The following FGGY variants were observed in gnomAD, a reference collection of about 807,000 sequenced individuals.
The protein encoded by FGGY is FGGY carbohydrate kinase domain-containing protein.
FGGY carries 72 observed loss-of-function variants against 71.3 expected under a neutral mutation model. The ratio of observed to expected loss-of-function variants is 1.01; its 90% CI spans 0.84 to 1.23. FGGY has a LOEUF of 1.23. Ranked by LOEUF, FGGY falls within the 50% of genes most tolerant of loss-of-function variation. The pLI, the probability that FGGY is intolerant of heterozygous loss-of-function variation, is 0.00. For synonymous variants in FGGY, 251 were observed against 250.3 expected (o/e 1.00, Z -0.02); for missense variants, 668 against 682.3 (o/e 0.98, Z 0.23).
At chr1:59,688,409 A>G (rs964223781) in intron 14 of FGGY, among the ~76,000 whole-genome samples, 5 of 152,206 alleles carry the variant, frequency 3.3e-5, no homozygotes, top group African/African-American at 1.2e-4. Flanking sequence ...CTGTTCCTCA[A>G]AGTTTTCTAA....
intron 2 of FGGY, among the ~76,000 whole-genome samples, chr1:59,334,258 T>C (rs2049039587): frequency 6.6e-6 from 1 of 152,194 alleles, no homozygotes; most frequent in Admixed American, 6.5e-5. Context: ...TTCTCCTGCC[T>C]CAGCCTCCCT....
intron 13 of FGGY, among the ~76,000 whole-genome samples, chr1:59,668,991 CAAAAAAA>C (rs33999903): frequency 0.034 from 1,259 of 37,120 alleles, 28 homozygotes; most frequent in African/African-American, 0.11. Flanking sequence ...AACTCCATCT[CAAAAAAA>C]AAAAAAAAAA....
intron 4 of FGGY, among the ~76,000 whole-genome samples, chr1:59,347,275 T>C (rs1200894918): frequency 1.7e-5 from 2 of 120,890 alleles, no homozygotes; most frequent in African/African-American, 6.4e-5. Flanking sequence ...GGCCCCGGTG[T>C]GTGATGTTCC....
intron 9 of FGGY, among the ~76,000 whole-genome samples, chr1:59,616,043 G>A (rs971786664): frequency 1.3e-5 from 2 of 152,174 alleles, no homozygotes; most frequent in South Asian, 4.1e-4. Flanking sequence ...TGGTGGGACT[G>A]TAAACTAGTT....
At chr1:59,507,702 T>TC (rs1288647065) in intron 6 of FGGY, among the ~76,000 whole-genome samples, 15 of 146,444 alleles carry the variant, frequency 1.0e-4, no homozygotes, top group African/African-American at 3.9e-4. Flanking sequence ...TTTTTTTTTT[T>TC]TTTTTGTATT....
At chr1:59,551,160 CA>C (rs1289430692) in intron 7 of FGGY, among the ~76,000 whole-genome samples, 2 of 152,066 alleles carry the variant, frequency 1.3e-5, no homozygotes, top group Non-Finnish European at 2.9e-5. Flanking sequence ...TACCATTAAA[CA>C]TCTCTTTTTA....
intron 4 of FGGY, among the ~76,000 whole-genome samples, chr1:59,367,968 G>A (rs941210473): frequency 1.3e-5 from 2 of 152,116 alleles, no homozygotes; most frequent in African/African-American, 4.8e-5. Context: ...TTAACTCAAA[G>A]GATTGTTGTT....
intron 5 of FGGY, among the ~76,000 whole-genome samples, chr1:59,416,978 TA>T (rs1243867558): frequency 2.6e-5 from 4 of 152,340 alleles, no homozygotes; most frequent in Admixed American, 2.6e-4. Context: ...ATAATTCATA[TA>T]CCCTAAAATT....
intron 11 of FGGY, among the ~76,000 whole-genome samples, chr1:59,638,840 A>G (rs757518356): frequency 1.3e-5 from 2 of 152,220 alleles, no homozygotes; most frequent in Non-Finnish European, 2.9e-5. Context: ...AAACTTTGGT[A>G]TAAGTAAATG....
intron 2 of FGGY, among the ~76,000 whole-genome samples, chr1:59,328,772 T>C: frequency 6.6e-6 from 1 of 151,748 alleles, no homozygotes; most frequent in Non-Finnish European, 1.5e-5. Context: ...GGTTATTAAT[T>C]GGCCTAATTT....
chr1:59,603,582 T>A (rs939450948), intron 8 of FGGY, among the ~76,000 whole-genome samples: 2 of 152,118 alleles, frequency 1.3e-5, no homozygotes, highest in Admixed American at 6.6e-5. Flanking sequence ...CATTTTGGAG[T>A]TGAGGAAACT....
At chr1:59,325,314 G>A (rs903061318) in intron 2 of FGGY, among the ~76,000 whole-genome samples, 10 of 152,046 alleles carry the variant, frequency 6.6e-5, no homozygotes, top group Non-Finnish European at 1.3e-4. Flanking sequence ...CCGAGATTGC[G>A]CCATTGCACT....
intron 14 of FGGY, among the ~76,000 whole-genome samples, chr1:59,686,816 C>T (rs1261017876): frequency 6.6e-6 from 1 of 152,146 alleles, no homozygotes; most frequent in Non-Finnish European, 1.5e-5. Flanking sequence ...AGCCTGCTTA[C>T]TCATTTGTAT....
Position 59,414,157 on chromosome 1 carries a change from T to A in FGGY, c.554+35320T>A, listed in dbSNP as rs142536909. The stretch of plus-strand genomic sequence containing the variant: ...AAACTTCAGGTTGACAGCCTTTACC[T>A]TCCTTGTGCCATAATTAATTTGCTC... On this transcript the variant is annotated intron_variant, in intron 5 of 15. Coordinates refer to ENST00000303721, the MANE Select transcript of FGGY (RefSeq NM_018291.5). Among the ~76,000 whole-genome samples the A allele has an allele frequency of 1.9e-4, 29 of 152,362 alleles. No individual in the cohort carries two copies. The East Asian group carries it at 5.6e-3, about 29-fold the overall frequency.
intron 7 of FGGY, among the ~76,000 whole-genome samples, chr1:59,535,362 G>A (rs2095284491): frequency 6.6e-6 from 1 of 152,126 alleles, no homozygotes; most frequent in Admixed American, 6.5e-5. Context: ...AAGAGACTTA[G>A]ACTCCCACAC....
intron 8 of FGGY, among the ~76,000 whole-genome samples, chr1:59,562,804 G>T (rs1039343255): frequency 6.6e-6 from 1 of 152,160 alleles, no homozygotes; most frequent in African/African-American, 2.4e-5. Context: ...AAAGATTTGG[G>T]TATGTTTATC....
intron 14 of FGGY, among the ~76,000 whole-genome samples, chr1:59,730,353 A>C (rs1402462335): frequency 6.7e-6 from 1 of 150,330 alleles, no homozygotes; most frequent in Non-Finnish European, 1.5e-5. Context: ...TGACTTAGAC[A>C]GTTTTTACAT....
At chr1:59,481,749 G>C (rs2093477594) in intron 6 of FGGY, among the ~76,000 whole-genome samples, 1 of 152,110 alleles carries the variant, frequency 6.6e-6, no homozygotes, top group Non-Finnish European at 1.5e-5. Context: ...GTATTTGCAA[G>C]GCCAGCGGTC....
chr1:59,669,428 T>C (rs1026181129), intron 13 of FGGY, among the ~76,000 whole-genome samples: 8 of 151,956 alleles, frequency 5.3e-5, no homozygotes, highest in African/African-American at 9.7e-5. Flanking sequence ...CCAGATTGCC[T>C]TATAATTGTC....
Sources: allele counts gnomAD v4.1 joint callset (sites outside exome capture counted in the v4.1 genomes callset), GRCh38; gene constraint gnomAD v4.1.1; transcripts MANE v1.5; gene names NCBI Gene and HGNC (gene_info 2026-07-23, HGNC 2026-07-21).